The following COL17A1 variants were observed in gnomAD, a reference collection of about 807,000 sequenced individuals.
COL17A1 encodes the protein collagen alpha-1(XVII) chain.
A neutral mutation model predicts 218.4 loss-of-function variants in COL17A1; 181 were observed. The ratio of observed to expected loss-of-function variants is 0.83; its 90% CI spans 0.73 to 0.94. COL17A1 has a LOEUF of 0.94. Among genes scored for constraint, COL17A1 ranks in the 40% least tolerant of loss-of-function variants. The probability of loss-of-function intolerance (pLI) is 0.00; values close to 1 mark genes in which losing one functional copy is unlikely to be tolerated. For synonymous variants in COL17A1, 721 were observed against 731.0 expected, an observed-to-expected ratio of 0.99 and a Z score of 0.22; for missense variants, 1,924 against 1,945.9, an observed-to-expected ratio of 0.99 and a Z score of 0.21.
At position 104,034,239 on chromosome 10, in the gene COL17A1, G is replaced by A. The variant is rs1481028082; in HGVS notation, c.3862C>T (p.His1288Tyr). ...DSRLLSTDAS[H>Y]SRGSSSSSHS... ...GAGGAGGAGCTGCTACCCCGACTGT[G>A]GGAGGCATCCGTGGACAGGAGGCGG... Residue 1288 changes from histidine (H) to tyrosine (Y), a missense_variant, in exon 52 of 56, where the codon CAC becomes TAC. By Grantham distance (83) the His-to-Tyr change is moderately conservative. Coordinates refer to ENST00000648076, the MANE Select transcript of COL17A1 (RefSeq NM_000494.4). 1.2e-6 allele frequency: 2 copies of A among 1,611,198 alleles called. No homozygotes were observed. Among genetic ancestry groups the A allele is most frequent in the Admixed American group, 3.3e-5 (2 of 59,870 alleles).
At chr10:104,034,539 T>A in intron 51 of COL17A1, 82 bp downstream of exon 51, 1 of 1,555,820 alleles carries the variant, frequency 6.4e-7, no homozygotes, top group Non-Finnish European at 8.7e-7. Context: ...TTCCTGTCCC[T>A]TTAAGTGCCT....
intron 45 of COL17A1, 122 bp downstream of exon 45, chr10:104,038,276 ACACACTCC>A: frequency 1.0e-6 from 1 of 986,460 alleles, no homozygotes; most frequent in South Asian, 1.3e-5. Context: ...ACACACACAC[ACACACTCC>A]CACTGCCCTA....
At chr10:104,047,999 A>T in intron 30 of COL17A1, 70 bp downstream of exon 30, 5 of 1,576,008 alleles carry the variant, frequency 3.2e-6, no homozygotes, top group Non-Finnish European at 4.4e-6. Context: ...GGTTAAGGGG[A>T]CTGAGGGCTG....
rs371445690 is a variant in COL17A1, at chr10:104,039,784, ACACACACACACG to A, written c.2789-156_2789-145del. On this transcript the variant is annotated intron_variant, in intron 41 of 55. Transcript: ENST00000648076. Reference sequence around the variant, plus strand: ...AGAGATGCCACACACACACACACACACACACACACACGCACACGCACACTTGCACTACACCCA... The same window carrying A: ...AGAGATGCCACACACACACACACACACACACGCACACTTGCACTACACCCA... 1.8e-4 allele frequency: 191 copies of A among 1,076,136 alleles called. No homozygotes were observed. The African/African-American group carries it at 2.9e-3, about 16-fold the overall frequency. The allele number at this position is 1,076,136 out of a possible 1,614,324, so 66.7% of individuals were successfully genotyped here. A position where few individuals can be genotyped will look rare whatever the true frequency, so the allele number is the denominator to read the frequency against.
At chr10:104,054,695 A>T (rs1278907657) in intron 20 of COL17A1, among the ~76,000 whole-genome samples, 1 of 152,122 alleles carries the variant, frequency 6.6e-6, no homozygotes, top group Non-Finnish European at 1.5e-5. Flanking sequence ...ACTCCTGCCC[A>T]CATGCATACC....
intron 47 of COL17A1, 102 bp downstream of exon 47, chr10:104,036,943 G>T: frequency 8.9e-7 from 1 of 1,124,948 alleles, no homozygotes; most frequent in Non-Finnish European, 1.3e-6. Flanking sequence ...CCTCCCTCTT[G>T]CAGCCCTTCC....
chr10:104,061,538 C>G, intron 12 of COL17A1, 65 bp from the exon 13 acceptor site: 1 of 1,404,110 alleles, frequency 7.1e-7, no homozygotes, highest in Non-Finnish European at 9.9e-7. Context: ...GAAGCCTGAT[C>G]AGCCCTGGCA....
At chr10:104,082,360 C>T (rs1325095292) in intron 1 of COL17A1, among the ~76,000 whole-genome samples, 2 of 152,198 alleles carry the variant, frequency 1.3e-5, no homozygotes, top group Non-Finnish European at 2.9e-5. Flanking sequence ...TGCAACTGGA[C>T]ACCTTTGCAA....
At chr10:104,041,371 A>T in intron 37 of COL17A1, 27 bp from the exon 38 acceptor site, 1 of 1,609,062 alleles carries the variant, frequency 6.2e-7, no homozygotes, top group Non-Finnish European at 8.5e-7. Context: ...GGAAGAGGCC[A>T]TGCTGAGCTC....
chr10:104,037,678 C>T lies in COL17A1; in HGVS notation c.3166G>A (p.Asp1056Asn), dbSNP rs143131284. The change falls in exon 46 of 56, where the codon GAC becomes AAC. Residue 1056 changes from aspartate (D) to asparagine (N), a missense_variant. Transcript: ENST00000648076. ...ACGTGGCTTGCCAGCTCTGAGTAGT[C>T]GAAAGTCTCGCCTGTGATGGTGGTG... ...PVTTITGETF[D>N]YSELASHVVS... The T allele has an allele frequency of 5.0e-6, 8 of 1,614,164 alleles. No individual in the cohort carries two copies. Among genetic ancestry groups the T allele is most frequent in the Middle Eastern group, 1.7e-4 (1 of 6,058 alleles).
intron 52 of COL17A1, 40 bp from the exon 53 acceptor site, chr10:104,033,415 T>C (rs1747675): frequency 1.9e-6 from 3 of 1,602,572 alleles, no homozygotes; most frequent in Admixed American, 3.4e-5. Context: ...AGCAGGGATC[T>C]CCCAGTACCC....
intron 17 of COL17A1, 130 bp downstream of exon 17, chr10:104,056,845 T>C (rs2134620242): frequency 6.6e-7 from 1 of 1,522,684 alleles, no homozygotes; most frequent in East Asian, 2.5e-5. Flanking sequence ...AACAAGGGTC[T>C]GCACCAATGC....
At chr10:104,066,988 A>G (rs2086631655) in intron 9 of COL17A1, among the ~76,000 whole-genome samples, 1 of 152,204 alleles carries the variant, frequency 6.6e-6, no homozygotes, top group Non-Finnish European at 1.5e-5. Context: ...CAGCTAGATC[A>G]ATTTTTAGGA....
intron 14 of COL17A1, among the ~76,000 whole-genome samples, 162 bp downstream of exon 14, chr10:104,059,957 A>G (rs543666473): frequency 1.3e-5 from 2 of 152,286 alleles, no homozygotes; most frequent in East Asian, 3.9e-4. Flanking sequence ...TCTGCATTCA[A>G]GGCAGACCCT....
At chr10:104,038,122 G>A (rs1589558024) in intron 45 of COL17A1, among the ~76,000 whole-genome samples, 1 of 152,276 alleles carries the variant, frequency 6.6e-6, no homozygotes, top group East Asian at 1.9e-4. Context: ...TGTGGGCGAG[G>A]TGAGGCTGTG....
rs1189925696 is a variant in COL17A1, at chr10:104,052,196, G to A, written c.1961C>T (p.Pro654Leu). ...GERGAAGEPG[P>L]HGPPGVPGSV... is the part of the protein sequence containing the mutation. ...ACCTGGGACACCAGGTGGGCCATGA[G>A]GACCTGGTTCACCAGCAGCCCCTGA... is the stretch of plus-strand genomic sequence containing the variant. Residue 654 changes from proline to leucine, a missense_variant, in exon 24 of 56, where the codon CCT (proline) becomes CTT (leucine). Physicochemically the swap from Pro to Leu is moderately conservative, Grantham distance 98 (BLOSUM62 -3). Coordinates refer to ENST00000648076, the MANE Select transcript of COL17A1 (RefSeq NM_000494.4). The A allele has an allele frequency of 3.1e-6, 5 of 1,614,048 alleles. No homozygotes were observed. The highest frequency in any genetic ancestry group is 4.2e-6 in the Non-Finnish European group (5 of 1,180,018).
chr10:104,063,490 A>G (rs2086600284), intron 11 of COL17A1: 1 of 530,662 alleles, frequency 1.9e-6, no homozygotes, highest in East Asian at 3.5e-5. Context: ...TTCATTTCCA[A>G]TCCTCCAACT....
chr10:104,042,577 A>G, intron 35 of COL17A1, 122 bp from the exon 36 acceptor site: 3 of 929,464 alleles, frequency 3.2e-6, no homozygotes, highest in Non-Finnish European at 5.2e-6. Flanking sequence ...TGCTTATTTG[A>G]GAGCAATAAG....
rs1382772709 is a variant in COL17A1 at position 104,073,115 on chromosome 10, A to T, written c.415+95T>A. ...AAGCATGCCTTATTTATTCTTCTGT[A>T]CTCCTTACACTCCCTGGCTCAAGGC... On this transcript the variant is annotated intron_variant, in intron 7 of 55. Transcript: ENST00000648076. The T allele has an allele frequency of 4.5e-5, 50 of 1,113,970 alleles. 1 individual carries two copies. The highest frequency in any genetic ancestry group is 4.1e-6 in the Non-Finnish European group (3 of 724,888). 69.0% of individuals were successfully genotyped at this position (1,113,970 alleles called of 1,614,324 possible).
Sources: allele counts gnomAD v4.1 joint callset (sites outside exome capture counted in the v4.1 genomes callset), GRCh38; gene constraint gnomAD v4.1.1; transcripts MANE v1.5; gene names NCBI Gene and HGNC (gene_info 2026-07-23, HGNC 2026-07-21).